PLCB4: variants seen among roughly 807,000 people sequenced by gnomAD.
PLCB4 encodes 1-phosphatidylinositol 4,5-bisphosphate phosphodiesterase beta-4.
A neutral mutation model predicts 178.8 loss-of-function variants in PLCB4; 77 were observed. The ratio of observed to expected loss-of-function variants is 0.43; its 90% CI spans 0.36 to 0.52. The LOEUF is 0.52. PLCB4 is among the 20% of genes least tolerant of loss of function. The pLI is 0.00. For missense variants in PLCB4, 1,024 were observed against 1,453.4 expected, an observed-to-expected ratio of 0.70 and a Z score of 4.80; for synonymous variants, 496 against 490.8, an observed-to-expected ratio of 1.01 and a Z score of -0.14.
chr20:9,413,877 C>T (rs1298361117), intron 25 of PLCB4, among the ~76,000 whole-genome samples: 1 of 152,072 alleles, frequency 6.6e-6, no homozygotes, highest in Non-Finnish European at 1.5e-5. Context: ...CCTCCCTCCT[C>T]CACCCCTCAA....
At chr20:9,098,814 C>T (rs1322945062) in intron 2 of PLCB4, among the ~76,000 whole-genome samples, 1 of 141,138 alleles carries the variant, frequency 7.1e-6, no homozygotes, top group African/African-American at 2.7e-5. Context: ...GAATTAATTG[C>T]CACATACTCC....
intron 2 of PLCB4, among the ~76,000 whole-genome samples, chr20:9,111,224 C>T (rs1347059069): frequency 6.6e-6 from 1 of 152,174 alleles, no homozygotes; most frequent in African/African-American, 2.4e-5. Context: ...AGTTATTGGA[C>T]AGAGAACTGG....
chr20:9,474,705 T>A (rs2044427171), intron 38 of PLCB4, among the ~76,000 whole-genome samples: 1 of 151,824 alleles, frequency 6.6e-6, no homozygotes, highest in South Asian at 2.1e-4. Flanking sequence ...TAAAATAAAA[T>A]CTTTTTTGTA....
At chr20:9,072,276 T>C (rs920227338) in intron 1 of PLCB4, among the ~76,000 whole-genome samples, 2 of 152,200 alleles carry the variant, frequency 1.3e-5, no homozygotes, top group African/African-American at 4.8e-5. Flanking sequence ...CCCTCTCATA[T>C]TGGGAAAATG....
chr20:9,307,545 AC>A (rs2094785449), intron 3 of PLCB4, among the ~76,000 whole-genome samples: 1 of 140,572 alleles, frequency 7.1e-6, no homozygotes, highest in Non-Finnish European at 1.6e-5. Flanking sequence ...ACACACACAC[AC>A]ATCTTGTTAT....
Position 9,253,411 on chromosome 20 carries a change from C to A in PLCB4, c.-16+35959C>A, listed in dbSNP as rs376681472. 2.4e-4 allele frequency among the ~76,000 whole-genome samples: 37 copies of A among 152,276 alleles called. 1 individual carries two copies. The East Asian group carries it at 6.4e-3, about 26-fold the overall frequency. Reference sequence around the variant, plus strand: ...GGTAGCAAACAAGGTAGGGCTCCTGCTCTGTGCTGATACCTACTCAGACCC... The same window carrying A: ...GGTAGCAAACAAGGTAGGGCTCCTGATCTGTGCTGATACCTACTCAGACCC... On this transcript the variant is annotated intron_variant, in intron 3 of 39. Coordinates refer to ENST00000378473, the MANE Select transcript of PLCB4 (RefSeq NM_001377142.1).
rs971974857 is a variant in PLCB4 at position 9,408,514 on chromosome 20, A to T, written c.1790-119A>T. 1.4e-5 allele frequency: 7 copies of T among 497,820 alleles called. No homozygotes were observed. In the Admixed American group the frequency reaches 1.8e-4, roughly 13 times the overall value. The allele number at this position is 497,820 out of a possible 1,614,324, so 30.8% of individuals were successfully genotyped here. A position where few individuals can be genotyped will look rare whatever the true frequency, so the allele number is the denominator to read the frequency against. Reference sequence around the variant, plus strand: ...GAAAGTAGGAGCTACTGACATGATAATGTAGCATTAGCCTCCAAGGCCTCA... The same window carrying T: ...GAAAGTAGGAGCTACTGACATGATATTGTAGCATTAGCCTCCAAGGCCTCA... On this transcript the variant is annotated intron_variant, in intron 22 of 39. Transcript: ENST00000378473.
chr20:9,129,263 C>T (rs1277418691), intron 2 of PLCB4, among the ~76,000 whole-genome samples: 2 of 152,084 alleles, frequency 1.3e-5, no homozygotes, highest in African/African-American at 2.4e-5. Flanking sequence ...ACATATGGGC[C>T]GAAAAGTCAG....
intron 19 of PLCB4, among the ~76,000 whole-genome samples, chr20:9,397,982 C>T (rs1325333741): frequency 1.3e-5 from 2 of 152,160 alleles, no homozygotes; most frequent in East Asian, 3.9e-4. Flanking sequence ...GGACGGCTTA[C>T]TCACATGCTG....
intron 2 of PLCB4, among the ~76,000 whole-genome samples, chr20:9,168,651 A>G (rs2093012884): frequency 1.3e-5 from 2 of 152,206 alleles, no homozygotes; most frequent in Non-Finnish European, 2.9e-5. Context: ...CTACACCACC[A>G]GATACCAAAT....
chr20:9,257,783 A>G (rs2094252244), intron 3 of PLCB4, among the ~76,000 whole-genome samples: 1 of 152,236 alleles, frequency 6.6e-6, no homozygotes, highest in Non-Finnish European at 1.5e-5. Flanking sequence ...ATAAATTTTA[A>G]CATGAACAAA....
At chr20:9,376,548 G>A (rs2036691075) in intron 12 of PLCB4, among the ~76,000 whole-genome samples, 1 of 152,118 alleles carries the variant, frequency 6.6e-6, no homozygotes, top group South Asian at 2.1e-4. Flanking sequence ...GAGTCCAGGA[G>A]GGATAGCAGA....
At chr20:9,436,865 G>C in intron 29 of PLCB4, 137 bp from the exon 30 acceptor site, 4 of 744,186 alleles carry the variant, frequency 5.4e-6, no homozygotes, top group Non-Finnish European at 8.6e-6. Flanking sequence ...TCCTTGGCTG[G>C]ATCCTTTGCC....
chr20:9,345,152 G>A (rs910339755), intron 7 of PLCB4, among the ~76,000 whole-genome samples: 5 of 152,246 alleles, frequency 3.3e-5, no homozygotes, highest in East Asian at 1.9e-4. Context: ...TTGCACCACT[G>A]CACTCCAGCC....
chr20:9,279,450 T>A (rs2094475878), intron 3 of PLCB4, among the ~76,000 whole-genome samples: 1 of 151,940 alleles, frequency 6.6e-6, no homozygotes, highest in African/African-American at 2.4e-5. Flanking sequence ...AAATGACATT[T>A]GAGCCAGACA....
chr20:9,114,161 C>T (rs1183774455), intron 2 of PLCB4, among the ~76,000 whole-genome samples: 1 of 152,130 alleles, frequency 6.6e-6, no homozygotes, highest in African/African-American at 2.4e-5. Context: ...TTGTAGTGAG[C>T]TGAGATCATG....
At chr20:9,443,132 G>A (rs2042212662) in intron 30 of PLCB4, among the ~76,000 whole-genome samples, 2 of 152,084 alleles carry the variant, frequency 1.3e-5, no homozygotes, top group South Asian at 4.1e-4. Context: ...TATTACCCTA[G>A]CTCCTCCTGG....
At chr20:9,374,037 A>G (rs1465356774) in intron 12 of PLCB4, among the ~76,000 whole-genome samples, 4 of 152,252 alleles carry the variant, frequency 2.6e-5, no homozygotes, top group South Asian at 2.1e-4. Context: ...ATCATGCCAG[A>G]TAAAACGTAT....
chr20:9,085,684 T>C (rs953107471), intron 1 of PLCB4, among the ~76,000 whole-genome samples: 1 of 152,198 alleles, frequency 6.6e-6, no homozygotes, highest in African/African-American at 2.4e-5. Flanking sequence ...GTGAAATATA[T>C]TGACCTTGAC....
Sources: allele counts gnomAD v4.1 joint callset (sites outside exome capture counted in the v4.1 genomes callset), GRCh38; gene constraint gnomAD v4.1.1; transcripts MANE v1.5; gene names NCBI Gene and HGNC (gene_info 2026-07-23, HGNC 2026-07-21).